CAP2: variants seen among roughly 807,000 people sequenced by gnomAD.
CAP2 encodes the protein adenylyl cyclase-associated protein 2.
A neutral mutation model predicts 57.7 loss-of-function variants in CAP2; 24 were observed. That is an observed-to-expected ratio of 0.42 (90% CI 0.30 to 0.58). The LOEUF is 0.58. Ranked by LOEUF, CAP2 falls within the 20% of genes least tolerant of loss-of-function variation. The pLI, the probability that CAP2 is intolerant of heterozygous loss-of-function variation, is 0.22. For synonymous variants in CAP2, 194 were observed against 207.2 expected (o/e 0.94, Z 0.55); for missense variants, 501 against 590.3 (o/e 0.85, Z 1.57).
chr6:17,479,988 C>T (rs905535373), intron 4 of CAP2, among the ~76,000 whole-genome samples: 6 of 151,962 alleles, frequency 3.9e-5, no homozygotes, highest in Admixed American at 2.0e-4. Flanking sequence ...AGAAGAAAAA[C>T]AATCCCACCA....
At chr6:17,478,104 C>T (rs1404932106) in intron 4 of CAP2, among the ~76,000 whole-genome samples, 1 of 150,018 alleles carries the variant, frequency 6.7e-6, no homozygotes. Flanking sequence ...TTTAGATAGG[C>T]TGTATCTATT....
intron 7 of CAP2, among the ~76,000 whole-genome samples, chr6:17,537,938 A>G (rs1452827957): frequency 2.0e-5 from 3 of 152,042 alleles, no homozygotes; most frequent in Non-Finnish European, 4.4e-5. Context: ...TTGGTGGTGC[A>G]TGTTTTTAAT....
Position 17,556,400 on chromosome 6 carries a change from T to C in CAP2, c.1392T>C (p.Asp464=). ...PIPEQFKTAW[D]GSKLITEPAE... ...CTGAACAGTTCAAGACAGCATGGGA[T>C]GGATCCAAGTTAATCACTGAACCTG... The change falls in exon 13 of 13, where the codon GAT becomes GAC. Residue 464 remains aspartate (D), a synonymous_variant. Transcript: ENST00000229922. 6.2e-7 allele frequency: 1 copy of C among 1,614,062 alleles called. No individual in the cohort carries two copies. Among genetic ancestry groups the C allele is most frequent in the Non-Finnish European group, 8.5e-7 (1 of 1,179,886 alleles).
At chr6:17,421,493 T>G (rs1036617348) in intron 1 of CAP2, 62 bp from the exon 2 acceptor site, 2 of 1,570,916 alleles carry the variant, frequency 1.3e-6, no homozygotes. Flanking sequence ...AGACTGATGG[T>G]GTTGGTTTAC....
chr6:17,474,322 GA>G (rs141623907), intron 4 of CAP2, among the ~76,000 whole-genome samples: 4,334 of 143,404 alleles, frequency 0.03, 205 homozygotes, highest in African/African-American at 0.1. Flanking sequence ...AACTAAACAG[GA>G]AAAAAAAAAT....
At chr6:17,481,273 C>A (rs115469298) in intron 4 of CAP2, among the ~76,000 whole-genome samples, 1,945 of 152,072 alleles carry the variant, frequency 0.013, 39 homozygotes, top group African/African-American at 0.044. Flanking sequence ...CTTTTAATTT[C>A]TGTGGTTTTT....
At chr6:17,436,869 T>A (rs1293469020) in intron 3 of CAP2, among the ~76,000 whole-genome samples, 1 of 152,122 alleles carries the variant, frequency 6.6e-6, no homozygotes, top group African/African-American at 2.4e-5. Context: ...CCACTCCCCA[T>A]CCCTTGCATT....
At chr6:17,551,994 A>G (rs1049206036) in intron 12 of CAP2, among the ~76,000 whole-genome samples, 2 of 152,206 alleles carry the variant, frequency 1.3e-5, no homozygotes, top group Non-Finnish European at 2.9e-5. Flanking sequence ...AAGTAGGGCT[A>G]TTTGTGCAGC....
Position 17,544,124 on chromosome 6 carries a change from C to CAAAAAAAAA in CAP2, c.1209+986_1209+994dup, listed in dbSNP as rs370684072. On this transcript the variant is annotated intron_variant, in intron 11 of 12. Transcript: ENST00000229922. ...TGGGCAACAGAGAGAGACTCTGTCT[C>CAAAAAAAAA]AAAAAAAAAAAAAGAAAAGAAAAAA... Among the ~76,000 whole-genome samples, 6 of 107,200 alleles carry CAAAAAAAAA rather than the reference C, an allele frequency of 5.6e-5. 1 individual carries two copies. Among genetic ancestry groups the CAAAAAAAAA allele is most frequent in the Admixed American group, 1.1e-4 (1 of 9,462 alleles). 70.3% of individuals were successfully genotyped at this position (107,200 alleles called of 152,430 possible).
At chr6:17,405,934 T>A (rs939195162) in intron 1 of CAP2, among the ~76,000 whole-genome samples, 2 of 151,658 alleles carry the variant, frequency 1.3e-5, no homozygotes, top group Non-Finnish European at 2.9e-5. Flanking sequence ...AGAGGCGGGG[T>A]CTACCTATGT....
chr6:17,511,483 G>A (rs925347137), intron 6 of CAP2, among the ~76,000 whole-genome samples: 5 of 151,854 alleles, frequency 3.3e-5, no homozygotes, highest in African/African-American at 9.7e-5. Context: ...ACAGAGTCTC[G>A]CTCTGTCACC....
At position 17,542,924 on chromosome 6, in the gene CAP2, A is replaced by G; in HGVS notation, c.1090A>G (p.Ile364Val). 1 of 1,613,758 alleles carries G rather than the reference A, an allele frequency of 6.2e-7. No individual in the cohort carries two copies. Among genetic ancestry groups the G allele is most frequent in the Non-Finnish European group, 8.5e-7 (1 of 1,179,594 alleles). Reference protein sequence around the residue: ...AYIFKCEKSTIQIKGKVNSII... With the variant: ...AYIFKCEKSTVQIKGKVNSII... ...CATTTTCAAATGCGAAAAATCAACTATTCAGATAAAAGGGAAAGTAAACTC... is the reference window on the plus strand; with the variant it reads ...CATTTTCAAATGCGAAAAATCAACTGTTCAGATAAAAGGGAAAGTAAACTC... The change falls in exon 10 of 13, where the codon ATT becomes GTT. Residue 364 changes from isoleucine (I) to valine (V), a missense_variant. Ile to Val is a conservative substitution (Grantham distance 29, BLOSUM62 3). Transcript: ENST00000229922.
At chr6:17,469,156 C>T (rs1350861837) in intron 4 of CAP2, among the ~76,000 whole-genome samples, 1 of 152,234 alleles carries the variant, frequency 6.6e-6, no homozygotes, top group Non-Finnish European at 1.5e-5. Context: ...CATCTGATGC[C>T]TTGATGGGCA....
chr6:17,556,381 A>T lies in CAP2; in HGVS notation c.1373A>T (p.Gln458Leu). 6.2e-7 allele frequency: 1 copy of T among 1,613,352 alleles called. No homozygotes were observed. Among genetic ancestry groups the T allele is most frequent in the Non-Finnish European group, 8.5e-7 (1 of 1,179,298 alleles). Reference protein sequence around the residue: ...GDYREFPIPEQFKTAWDGSKL... With the variant: ...GDYREFPIPELFKTAWDGSKL... The stretch of plus-strand genomic sequence containing the variant: ...CAGAGAGAATTTCCCATTCCTGAAC[A>T]GTTCAAGACAGCATGGGATGGATCC... Residue 458 changes from glutamine to leucine, a missense_variant, in exon 13 of 13, where the codon CAG (glutamine) becomes CTG (leucine). Coordinates refer to ENST00000229922, the MANE Select transcript of CAP2 (RefSeq NM_006366.3).
intron 5 of CAP2, 134 bp from the exon 6 acceptor site, chr6:17,507,507 C>A: frequency 3.8e-6 from 3 of 797,492 alleles, no homozygotes; most frequent in South Asian, 1.7e-5. Flanking sequence ...TTTTTATCAA[C>A]CTTTACAGAG....
At chr6:17,415,831 G>A (rs972813899) in intron 1 of CAP2, among the ~76,000 whole-genome samples, 10 of 152,154 alleles carry the variant, frequency 6.6e-5, no homozygotes, top group African/African-American at 2.4e-4. Flanking sequence ...CATTGACATT[G>A]CGCCATGGAG....
At chr6:17,435,092 A>G in intron 3 of CAP2, among the ~76,000 whole-genome samples, 1 of 117,618 alleles carries the variant, frequency 8.5e-6, no homozygotes, top group African/African-American at 3.2e-5. Context: ...GGGACTGTAA[A>G]CTAGTTCAAC....
At chr6:17,533,256 A>T (rs1335264657) in intron 7 of CAP2, among the ~76,000 whole-genome samples, 1 of 152,094 alleles carries the variant, frequency 6.6e-6, no homozygotes, top group Non-Finnish European at 1.5e-5. Context: ...ATCCAAAAAA[A>T]TCACAAACCT....
intron 4 of CAP2, among the ~76,000 whole-genome samples, chr6:17,496,037 G>A (rs866881976): frequency 7.6e-6 from 1 of 132,218 alleles, no homozygotes; most frequent in Non-Finnish European, 1.6e-5. Context: ...TGGGGGGGGG[G>A]GGTAAGTCAG....
Sources: gnomAD v4.1 joint callset for allele counts (sites outside exome capture counted in the v4.1 genomes callset) on GRCh38, gnomAD v4.1.1 for gene constraint, MANE v1.5 for transcripts, NCBI Gene and HGNC (gene_info 2026-07-23, HGNC 2026-07-21) for gene names.